RBM6: variants seen among roughly 807,000 people sequenced by gnomAD.
RBM6 encodes RNA-binding protein 6.
In RBM6, 23 loss-of-function variants were observed where a neutral mutation model predicts 140.4. That is an observed-to-expected ratio of 0.16 (90% confidence interval 0.12 to 0.23). The LOEUF is 0.23. Ranked by LOEUF, RBM6 falls within the 10% of genes least tolerant of loss-of-function variation. The pLI, the probability that RBM6 is intolerant of heterozygous loss-of-function variation, is 1.00. For missense variants in RBM6, 1,139 were observed against 1,386.7 expected, an observed-to-expected ratio of 0.82 and a Z score of 2.84; for synonymous variants, 439 against 475.6, an observed-to-expected ratio of 0.92 and a Z score of 1.00.
intron 5 of RBM6, among the ~76,000 whole-genome samples, chr3:49,992,429 C>T (rs1172575293): frequency 3.3e-5 from 5 of 152,182 alleles, no homozygotes. Flanking sequence ...ATTCGTACTG[C>T]CTTTCAGCTG....
At chr3:50,076,917 C>G in intron 20 of RBM6, 91 bp from the exon 21 acceptor site, 1 of 1,311,326 alleles carries the variant, frequency 7.6e-7, no homozygotes, top group Non-Finnish European at 1.0e-6. Context: ...TATACTGCTT[C>G]TTACTAGTCC....
chr3:49,981,759 C>T (rs2085314257), intron 5 of RBM6: 1 of 152,152 alleles, frequency 6.6e-6, no homozygotes, highest in Non-Finnish European at 1.5e-5. Context: ...CTCCAGAGAT[C>T]TTGGAATGGT....
intron 6 of RBM6, among the ~76,000 whole-genome samples, chr3:50,028,096 A>T (rs2087942219): frequency 6.6e-6 from 1 of 151,178 alleles, no homozygotes; most frequent in African/African-American, 2.4e-5. Context: ...GTTTTGAGGC[A>T]CTTGGTACTG....
At chr3:50,062,878 A>G (rs569972841) in intron 15 of RBM6, among the ~76,000 whole-genome samples, 104 of 143,952 alleles carry the variant, frequency 7.2e-4, no homozygotes, top group African/African-American at 2.5e-3. Context: ...TCTCTTTCTA[A>G]TCTTTTCTTT....
chr3:49,990,475 A>T (rs1042196914), intron 5 of RBM6, among the ~76,000 whole-genome samples: 10 of 152,252 alleles, frequency 6.6e-5, no homozygotes, highest in Admixed American at 2.6e-4. Context: ...ATATGCATGC[A>T]GTTTGCTGTT....
intron 4 of RBM6, among the ~76,000 whole-genome samples, chr3:49,974,252 C>G (rs1342152017): frequency 6.6e-6 from 1 of 151,852 alleles, no homozygotes; most frequent in Non-Finnish European, 1.5e-5. Context: ...ATTTTTGAGA[C>G]AGGGTACTCC....
intron 6 of RBM6, among the ~76,000 whole-genome samples, chr3:50,009,317 C>A (rs895757303): frequency 6.6e-6 from 1 of 152,206 alleles, no homozygotes; most frequent in African/African-American, 2.4e-5. Context: ...CCTGTTGTTT[C>A]TGCAGGTAGC....
intron 6 of RBM6, among the ~76,000 whole-genome samples, chr3:50,005,602 T>C (rs2086535360): frequency 6.6e-6 from 1 of 152,164 alleles, no homozygotes; most frequent in Non-Finnish European, 1.5e-5. Context: ...GTTGGAAACT[T>C]AAATTGGTAG....
chr3:50,069,780 G>A (rs1321008494), intron 18 of RBM6, among the ~76,000 whole-genome samples: 1 of 152,176 alleles, frequency 6.6e-6, no homozygotes, highest in African/African-American at 2.4e-5. Flanking sequence ...AAAGTAGATT[G>A]TAGTATTTTT....
chr3:49,974,814 G>A (rs2084988150), intron 4 of RBM6, among the ~76,000 whole-genome samples: 1 of 149,202 alleles, frequency 6.7e-6, no homozygotes, highest in African/African-American at 2.5e-5. Flanking sequence ...AGCCTTCCAA[G>A]TAGCTGGGAT....
chr3:50,067,642 G>A (rs1157019501), intron 17 of RBM6, among the ~76,000 whole-genome samples: 3 of 152,124 alleles, frequency 2.0e-5, no homozygotes, highest in African/African-American at 4.8e-5. Flanking sequence ...ATGTTAAACC[G>A]ACATACATTG....
Position 49,967,615 on chromosome 3 carries a change from C to G in RBM6, c.190C>G (p.Pro64Ala). Residue 64 changes from proline (P) to alanine (A), a missense_variant, in exon 3 of 21, where the codon CCT becomes GCT. Physicochemically the swap from Pro to Ala is conservative, Grantham distance 27. Coordinates refer to ENST00000266022, the MANE Select transcript of RBM6 (RefSeq NM_005777.3). This position sits in a 1 kb window ranked among gnomAD's most constrained non-coding sequence, Gnocchi z 4.0. ...TGATTTCCAGGGGCATTCGGGGCCTCCTTTTGCAAATGTAGAGGAGCATTC... is the reference window on the plus strand; with the variant it reads ...TGATTTCCAGGGGCATTCGGGGCCTGCTTTTGCAAATGTAGAGGAGCATTC... ...PFDFQGHSGP[P>A]FANVEEHSFS... The G allele has an allele frequency of 6.2e-7, 1 of 1,614,016 alleles. No homozygotes were observed. The highest frequency in any genetic ancestry group is 8.5e-7 in the Non-Finnish European group (1 of 1,180,014).
chr3:50,037,537 CTT>C (rs1262280542), intron 6 of RBM6, among the ~76,000 whole-genome samples: 2 of 152,138 alleles, frequency 1.3e-5, no homozygotes, highest in African/African-American at 4.8e-5. Context: ...CAGCAAGACT[CTT>C]TGAGGACGTT....
At position 49,973,860 on chromosome 3, in the gene RBM6, A is replaced by G. The variant is rs369835197; in HGVS notation, c.1414-1463A>G. On this transcript the variant is annotated intron_variant, in intron 4 of 20. Coordinates refer to ENST00000266022, the MANE Select transcript of RBM6 (RefSeq NM_005777.3). ...CTCGGCCTCTCAAAGTGCTGAGATTACACGCATGAGCCACCGCGCCCAGCA... is the reference window on the plus strand; with the variant it reads ...CTCGGCCTCTCAAAGTGCTGAGATTGCACGCATGAGCCACCGCGCCCAGCA... 4.0e-5 allele frequency among the ~76,000 whole-genome samples: 6 copies of G among 150,964 alleles called. No homozygotes were observed. In the East Asian group the frequency reaches 1.2e-3, roughly 30 times the overall value.
At chr3:50,073,874 C>T (rs2108958533) in intron 19 of RBM6, among the ~76,000 whole-genome samples, 1 of 150,206 alleles carries the variant, frequency 6.7e-6, no homozygotes, top group South Asian at 2.1e-4. Context: ...TGTTTTGAGA[C>T]AGTCTCATTC....
At chr3:50,070,410 T>A in intron 18 of RBM6, 45 bp from the exon 19 acceptor site, 1 of 1,381,684 alleles carries the variant, frequency 7.2e-7, no homozygotes, top group Non-Finnish European at 1.0e-6. Context: ...ACTCCCCAAT[T>A]CCCTCAGGTG....
At chr3:49,996,237 G>A (rs1393291149) in intron 5 of RBM6, among the ~76,000 whole-genome samples, 1 of 152,196 alleles carries the variant, frequency 6.6e-6, no homozygotes, top group African/African-American at 2.4e-5. Flanking sequence ...TTCATCTGGT[G>A]TCAACCAAAG....
chr3:50,046,715 G>A (rs965665479), intron 6 of RBM6, among the ~76,000 whole-genome samples: 1 of 152,040 alleles, frequency 6.6e-6, no homozygotes, highest in African/African-American at 2.4e-5. Flanking sequence ...TGGTCCCTAA[G>A]GCCAGATTAC....
At chr3:50,063,870 A>G (rs1368312341) in intron 15 of RBM6, among the ~76,000 whole-genome samples, 1 of 151,996 alleles carries the variant, frequency 6.6e-6, no homozygotes, top group African/African-American at 2.4e-5. Flanking sequence ...CTACCTTGAT[A>G]TCAGTTATGC....
Sources: allele counts gnomAD v4.1 joint callset (sites outside exome capture counted in the v4.1 genomes callset), GRCh38; gene constraint gnomAD v4.1.1; non-coding constraint Gnocchi (gnomAD v3.1); transcripts MANE v1.5; gene names NCBI Gene and HGNC (gene_info 2026-07-23, HGNC 2026-07-21).